The following AFTPH variants were observed in gnomAD, a reference collection of about 807,000 sequenced individuals.
The protein encoded by AFTPH is aftiphilin protein.
A neutral mutation model predicts 72.5 loss-of-function variants in AFTPH; 7 were observed. The ratio of observed to expected loss-of-function variants is 0.10; its 90% CI spans 0.05 to 0.18. AFTPH has a LOEUF of 0.18. Among genes scored for constraint, AFTPH ranks in the 10% least tolerant of loss-of-function variants. The pLI is 1.00. For missense variants in AFTPH, 979 were observed against 1,060.5 expected (o/e 0.92, Z 1.07); for synonymous variants, 337 against 370.1 (o/e 0.91, Z 1.03).
chr2:64,536,566 TAAAAAAAA>T lies in AFTPH; in HGVS notation c.-33+11970_-33+11977del, dbSNP rs142981388. ...GACAGAGCAGAGCGAGACTCCATCT[TAAAAAAAA>T]AAAAAAAAAAAAAAAGAATATAGAG... On this transcript the variant is annotated intron_variant, in intron 1 of 8. Transcript: ENST00000238856. Among the ~76,000 whole-genome samples the T allele has an allele frequency of 5.7e-3, 611 of 107,662 alleles. 8 individuals carry two copies. Among genetic ancestry groups the T allele is most frequent in the African/African-American group, 0.017 (565 of 32,318 alleles). The allele number at this position is 107,662 out of a possible 152,430, so 70.6% of individuals were successfully genotyped here.
At chr2:64,549,389 C>T (rs767731408) in intron 1 of AFTPH, among the ~76,000 whole-genome samples, 5 of 139,770 alleles carry the variant, frequency 3.6e-5, no homozygotes, top group African/African-American at 1.3e-4. Context: ...GGCACGATCT[C>T]GCCTCATTGC....
At chr2:64,591,486 G>A (rs1487403910) in intron 8 of AFTPH, among the ~76,000 whole-genome samples, 4 of 152,214 alleles carry the variant, frequency 2.6e-5, no homozygotes, top group African/African-American at 9.7e-5. Context: ...TAGTTTTAGC[G>A]GGTGGAGGGG....
rs1048572136 is a variant in AFTPH, at chr2:64,575,172, T to C, written c.2394+2104T>C. The stretch of plus-strand genomic sequence containing the variant: ...CTTACTGTGTATTTCATTTTAGTCA[T>C]AGCTTATCATGTTTCTTTTATAATT... On this transcript the variant is annotated intron_variant, in intron 6 of 8. Transcript: ENST00000238856. 3.3e-5 allele frequency among the ~76,000 whole-genome samples: 5 copies of C among 152,216 alleles called. No homozygotes were observed. The East Asian group carries it at 9.6e-4, about 29-fold the overall frequency.
chr2:64,580,323 T>C (rs3821140), intron 7 of AFTPH: 1 of 152,632 alleles, frequency 6.6e-6, no homozygotes. Flanking sequence ...ATGGCAATTA[T>C]TTTGCCATTG....
chr2:64,539,890 G>A (rs1366413571), intron 1 of AFTPH, among the ~76,000 whole-genome samples: 1 of 152,116 alleles, frequency 6.6e-6, no homozygotes, highest in Non-Finnish European at 1.5e-5. Context: ...AAGCTTGGTG[G>A]TGAGGAGGAG....
chr2:64,539,507 T>C (rs1183242045), intron 1 of AFTPH, among the ~76,000 whole-genome samples: 2 of 152,210 alleles, frequency 1.3e-5, no homozygotes, highest in Admixed American at 6.5e-5. Flanking sequence ...ATCCCACTTA[T>C]TTACCTTGAT....
At chr2:64,531,490 A>G (rs996717592) in intron 1 of AFTPH, among the ~76,000 whole-genome samples, 9 of 152,210 alleles carry the variant, frequency 5.9e-5, no homozygotes, top group African/African-American at 2.2e-4. Context: ...AACCTGAGAT[A>G]TGCCTTTATT....
chr2:64,551,983 G>A (rs1671074957), exon 2 of AFTPH: 1 of 1,613,706 alleles, frequency 6.2e-7, no homozygotes, highest in Non-Finnish European at 8.5e-7. Context: ...CAGTTAGAGA[G>A]CTGCAATGGT....
chr2:64,591,372 T>C (rs747102295), intron 8 of AFTPH, among the ~76,000 whole-genome samples: 15 of 152,250 alleles, frequency 9.9e-5, no homozygotes, highest in Non-Finnish European at 2.2e-4. Context: ...CTGGGTCTTC[T>C]GAGCTGAGAG....
intron 2 of AFTPH, among the ~76,000 whole-genome samples, chr2:64,565,593 C>T (rs929034453): frequency 1.3e-5 from 2 of 151,854 alleles, no homozygotes; most frequent in Non-Finnish European, 2.9e-5. Context: ...ATTTACTGCT[C>T]TACCTCAAGG....
Position 64,545,570 on chromosome 2 carries a change from TAAAAAAAAAAAAAAAAAAAAAA to T in AFTPH, c.-32-5852_-32-5831del, listed in dbSNP as rs58124855. Among the ~76,000 whole-genome samples the T allele has an allele frequency of 5.9e-3, 143 of 24,198 alleles. 3 individuals are homozygous for T. In the East Asian group the frequency reaches 0.17, roughly 28 times the overall value. The allele number at this position is 24,198 out of a possible 152,430, so 15.9% of individuals were successfully genotyped here. On this transcript the variant is annotated intron_variant, in intron 1 of 8. Transcript: ENST00000238856. ...CTGTACAATGGAATGCCACCAGCAG[TAAAAAAAAAAAAAAAAAAAAAA>T]AAAAAAAAAAAAAAAAAAAAGACCT...
chr2:64,561,678 TAAAAAGAA>T (rs957622660), intron 2 of AFTPH, among the ~76,000 whole-genome samples: 2 of 151,782 alleles, frequency 1.3e-5, no homozygotes, highest in Admixed American at 1.3e-4. Context: ...GACCATCTCT[TAAAAAGAA>T]AAAAAAAATC....
At chr2:64,555,153 A>C (rs1186547155) in intron 2 of AFTPH, among the ~76,000 whole-genome samples, 4 of 152,242 alleles carry the variant, frequency 2.6e-5, no homozygotes, top group African/African-American at 9.6e-5. Flanking sequence ...ACTTTTGTGA[A>C]TATAAAAGGA....
chr2:64,583,745 T>G (rs1334710850), intron 7 of AFTPH, among the ~76,000 whole-genome samples: 1 of 152,160 alleles, frequency 6.6e-6, no homozygotes, highest in Non-Finnish European at 1.5e-5. Context: ...TTAAAGTATA[T>G]TTTGAAACCG....
At chr2:64,575,741 GTA>G (rs1400973758) in intron 6 of AFTPH, among the ~76,000 whole-genome samples, 2 of 128,022 alleles carry the variant, frequency 1.6e-5, no homozygotes, top group Non-Finnish European at 1.8e-5. Flanking sequence ...GTGTGTGTGT[GTA>G]TATATTTTTT....
intron 6 of AFTPH, chr2:64,578,961 G>C (rs1296443428): frequency 6.6e-6 from 1 of 152,528 alleles, no homozygotes; most frequent in Non-Finnish European, 1.5e-5. Flanking sequence ...CCAGTACAAG[G>C]ATGACACCCA....
At chr2:64,544,561 A>G (rs1401869133) in intron 1 of AFTPH, among the ~76,000 whole-genome samples, 1 of 151,998 alleles carries the variant, frequency 6.6e-6, no homozygotes, top group Non-Finnish European at 1.5e-5. Flanking sequence ...TGCCAGACAC[A>G]GTACTAAAGT....
chr2:64,584,915 T>C (rs1217130047), intron 7 of AFTPH, among the ~76,000 whole-genome samples: 1 of 152,162 alleles, frequency 6.6e-6, no homozygotes. Context: ...ATATTTAAAC[T>C]AACCAGATCA....
chr2:64,573,637 A>C (rs1302598777), intron 6 of AFTPH, among the ~76,000 whole-genome samples: 1 of 152,180 alleles, frequency 6.6e-6, no homozygotes, highest in Non-Finnish European at 1.5e-5. Context: ...TTAACTAAAC[A>C]ATCTATGGAT....
Sources: gnomAD v4.1 joint callset for allele counts (sites outside exome capture counted in the v4.1 genomes callset) on GRCh38, gnomAD v4.1.1 for gene constraint, MANE v1.5 for transcripts, NCBI Gene and HGNC (gene_info 2026-07-23, HGNC 2026-07-21) for gene names.